MIER3: variants seen among roughly 807,000 people sequenced by gnomAD.
MIER3 encodes the protein MIER family member 3.
MIER3 carries 9 observed loss-of-function variants against 63.2 expected under a neutral mutation model. That is an observed-to-expected ratio of 0.14 (90% CI 0.09 to 0.25). The LOEUF is 0.25. Ranked by LOEUF, MIER3 falls within the 10% of genes least tolerant of loss-of-function variation. MIER3 has a pLI of 1.00. For missense variants in MIER3, 512 were observed against 666.2 expected, an observed-to-expected ratio of 0.77 and a Z score of 2.55; for synonymous variants, 205 against 224.9, an observed-to-expected ratio of 0.91 and a Z score of 0.79.
chr5:56,939,167 T>C, intron 3 of MIER3, 150 bp from the exon 4 acceptor site: 1 of 756,744 alleles, frequency 1.3e-6, no homozygotes, highest in Non-Finnish European at 1.9e-6. Context: ...TGTGCTGTTG[T>C]CAGAAAACAG....
At chr5:56,946,706 A>G (rs1401952599) in intron 3 of MIER3, among the ~76,000 whole-genome samples, 3 of 152,076 alleles carry the variant, frequency 2.0e-5, no homozygotes, top group Admixed American at 2.0e-4. Context: ...GCCTACGTGT[A>G]CCTACTTCAC....
rs1749781671 is a variant in MIER3 at position 56,923,471 on chromosome 5, A to G, written c.1310T>C (p.Val437Ala). ...PRGQVNHVPV[V>A]TEELLTLPSN... ...GGGCAGGGTGAGTAACTCTTCTGTT[A>G]CAACAGGCACATGATTAACTTGTCC... The change falls in exon 13 of 13, where the codon GTA becomes GCA. Residue 437 changes from valine to alanine, a missense_variant. Transcript: ENST00000381199. The G allele has an allele frequency of 6.2e-7, 1 of 1,614,196 alleles. No individual in the cohort carries two copies. Among genetic ancestry groups the G allele is most frequent in the Non-Finnish European group, 8.5e-7 (1 of 1,180,030 alleles).
chr5:56,925,124 T>TA (rs1197737804), intron 10 of MIER3, among the ~76,000 whole-genome samples: 3 of 152,216 alleles, frequency 2.0e-5, no homozygotes, highest in South Asian at 2.1e-4. Context: ...TGGTTTTTTT[T>TA]ACTTAAAAGG....
At position 56,952,090 on chromosome 5, in the gene MIER3, T is replaced by C; in HGVS notation, c.9+4A>G. 7.7e-7 allele frequency: 1 copy of C among 1,303,900 alleles called. No individual in the cohort carries two copies. The highest frequency in any genetic ancestry group is 9.9e-7 in the Non-Finnish European group (1 of 1,008,486). 80.8% of individuals were successfully genotyped at this position (1,303,900 alleles called of 1,614,324 possible). On this transcript the variant is annotated splice_donor_region_variant and intron_variant, in intron 1 of 12. Transcript: ENST00000381199. ...GGCTGCTCCTGCCCGGTTTCCCTGC[T>C]CACCTCCGCCATATTGGTACCTTTA... is the stretch of plus-strand genomic sequence containing the variant.
intron 3 of MIER3, 63 bp from the exon 4 acceptor site, chr5:56,939,080 C>T (rs1750551952): frequency 2.6e-6 from 4 of 1,555,966 alleles, no homozygotes; most frequent in Middle Eastern, 1.7e-4. Flanking sequence ...TGCAGGTAAA[C>T]TGTACTGTCC....
intron 10 of MIER3, among the ~76,000 whole-genome samples, chr5:56,927,460 T>G (rs1437841172): frequency 6.6e-6 from 1 of 152,136 alleles, no homozygotes; most frequent in Non-Finnish European, 1.5e-5. Context: ...CCCACCAAAA[T>G]GCTTCAGAAC....
chr5:56,943,229 C>T (rs759600016), intron 3 of MIER3, among the ~76,000 whole-genome samples: 2 of 151,734 alleles, frequency 1.3e-5, no homozygotes, highest in Non-Finnish European at 2.9e-5. Context: ...ACATACATGA[C>T]TTGAGACTTG....
At chr5:56,948,851 T>C (rs1341887077) in intron 2 of MIER3, among the ~76,000 whole-genome samples, 1 of 152,180 alleles carries the variant, frequency 6.6e-6, no homozygotes, top group African/African-American at 2.4e-5. Flanking sequence ...GGCTCTTCTG[T>C]TACTCTTCTA....
At chr5:56,950,718 C>A (rs1750992658) in intron 1 of MIER3, 66 bp from the exon 2 acceptor site, 1 of 1,586,116 alleles carries the variant, frequency 6.3e-7, no homozygotes, top group Non-Finnish European at 8.6e-7. Flanking sequence ...GCGCCGGCAA[C>A]AGGGCGCAGA....
intron 1 of MIER3, among the ~76,000 whole-genome samples, chr5:56,951,133 T>C (rs775164953): frequency 8.5e-5 from 13 of 152,110 alleles, no homozygotes; most frequent in Non-Finnish European, 1.5e-4. Context: ...AGCCGATCTC[T>C]TCCCCTGCAG....
At chr5:56,946,193 A>C (rs1750819378) in intron 3 of MIER3, among the ~76,000 whole-genome samples, 1 of 152,124 alleles carries the variant, frequency 6.6e-6, no homozygotes, top group African/African-American at 2.4e-5. Context: ...AAAGAGGTAT[A>C]AGAAACTCAG....
intron 1 of MIER3, 71 bp downstream of exon 1, chr5:56,952,023 G>T: frequency 2.5e-6 from 3 of 1,224,376 alleles, no homozygotes; most frequent in Non-Finnish European, 3.1e-6. Context: ...CCCCAGGCTG[G>T]CTCGGGGGTC....
intron 2 of MIER3, 195 bp from the exon 3 acceptor site, chr5:56,947,266 A>C (rs772092185): frequency 1.8e-5 from 9 of 500,622 alleles, no homozygotes; most frequent in Non-Finnish European, 3.0e-5. Context: ...CAAAATAACA[A>C]GGCAAAGTTA....
chr5:56,935,642 G>T, intron 6 of MIER3, 24 bp downstream of exon 6: 1 of 1,592,642 alleles, frequency 6.3e-7, no homozygotes, highest in Non-Finnish European at 8.6e-7. Context: ...AGCCAATTTA[G>T]TCCACTATAT....
rs148549741 is a variant in MIER3, at chr5:56,937,618, A to G, written c.396T>C (p.Thr132=). ...SSADDLTPSV[T]SHETSDFFPR... ...GGAAGAAATCAGAAGTTTCATGGGA[A>G]GTCACAGATGGCGTCAGATCATCCG... Residue 132 remains threonine, a synonymous_variant, in exon 5 of 13, where the codon ACT becomes ACC. Transcript: ENST00000381199. The G allele has an allele frequency of 2.8e-5, 45 of 1,611,506 alleles. No homozygotes were observed. Among genetic ancestry groups the G allele is most frequent in the Non-Finnish European group, 3.6e-5 (43 of 1,178,718 alleles).
At chr5:56,930,810 G>GTT in intron 8 of MIER3, 65 bp from the exon 9 acceptor site, 1 of 1,306,370 alleles carries the variant, frequency 7.7e-7, no homozygotes. Context: ...AAAAACAGGT[G>GTT]TAAGAGTTTT....
intron 3 of MIER3, among the ~76,000 whole-genome samples, chr5:56,945,784 CCTAAGA>C (rs1271298770): frequency 2.0e-5 from 3 of 152,100 alleles, no homozygotes; most frequent in Non-Finnish European, 2.9e-5. Context: ...ACATCAATCC[CCTAAGA>C]CTGTTAACAT....
At chr5:56,951,455 C>T (rs1751026660) in intron 1 of MIER3, among the ~76,000 whole-genome samples, 1 of 152,142 alleles carries the variant, frequency 6.6e-6, no homozygotes, top group Non-Finnish European at 1.5e-5. Context: ...CTGGAGAGGG[C>T]GTCGAGGGTC....
chr5:56,940,520 G>A (rs1489215075), intron 3 of MIER3, among the ~76,000 whole-genome samples: 1 of 152,232 alleles, frequency 6.6e-6, no homozygotes, highest in African/African-American at 2.4e-5. Flanking sequence ...AATTTATTGT[G>A]TCTAACTAAA....
Sources: gnomAD v4.1 joint callset for allele counts (sites outside exome capture counted in the v4.1 genomes callset) on GRCh38, gnomAD v4.1.1 for gene constraint, MANE v1.5 for transcripts, NCBI Gene and HGNC (gene_info 2026-07-23, HGNC 2026-07-21) for gene names.